TAF3: variants seen among roughly 807,000 people sequenced by gnomAD.
The protein encoded by TAF3 is TATA-box binding protein associated factor 3.
Under a neutral mutation model 80.6 loss-of-function variants are expected in TAF3, and 7 were observed. That is an observed-to-expected ratio of 0.09 (90% CI 0.05 to 0.16). TAF3 has a LOEUF of 0.16. TAF3 is among the 10% of genes least tolerant of loss of function. The probability of loss-of-function intolerance (pLI) is 1.00; values close to 1 mark genes in which losing one functional copy is unlikely to be tolerated. For missense variants in TAF3, 921 were observed against 1,140.2 expected (o/e 0.81, Z 2.77); for synonymous variants, 444 against 446.1 (o/e 1.00, Z 0.06).
chr10:7,935,812 A>G (rs767097233), intron 2 of TAF3, among the ~76,000 whole-genome samples: 1 of 152,190 alleles, frequency 6.6e-6, no homozygotes, highest in Non-Finnish European at 1.5e-5. Flanking sequence ...TTGATTCAGG[A>G]GAAAAGTGCA....
chr10:7,944,118 T>G (rs914657190), intron 2 of TAF3, among the ~76,000 whole-genome samples: 1 of 151,560 alleles, frequency 6.6e-6, no homozygotes, highest in African/African-American at 2.4e-5. Flanking sequence ...TGTGTGTGTG[T>G]GTGTGTGTGT....
At chr10:7,916,205 G>T (rs1430116650) in intron 2 of TAF3, among the ~76,000 whole-genome samples, 1 of 152,152 alleles carries the variant, frequency 6.6e-6, no homozygotes, top group Non-Finnish European at 1.5e-5. Context: ...AGTTTCCTTT[G>T]TTAATGGATT....
At chr10:8,001,352 T>A (rs1831941830) in intron 4 of TAF3, among the ~76,000 whole-genome samples, 1 of 152,232 alleles carries the variant, frequency 6.6e-6, no homozygotes, top group African/African-American at 2.4e-5. Context: ...CTTTGATTAC[T>A]ATGAAAATGG....
intron 2 of TAF3, among the ~76,000 whole-genome samples, chr10:7,866,999 C>G (rs1184516490): frequency 6.6e-6 from 1 of 152,164 alleles, no homozygotes; most frequent in Non-Finnish European, 1.5e-5. Context: ...TGGCTCACAC[C>G]TGGAATTCTA....
intron 2 of TAF3, among the ~76,000 whole-genome samples, chr10:7,851,397 G>A (rs956575820): frequency 6.6e-6 from 1 of 152,198 alleles, no homozygotes; most frequent in African/African-American, 2.4e-5. Context: ...CAGAGTGTTA[G>A]GAGAGGAGGG....
At chr10:7,893,047 T>C (rs1340971051) in intron 2 of TAF3, among the ~76,000 whole-genome samples, 5 of 152,150 alleles carry the variant, frequency 3.3e-5, no homozygotes, top group Non-Finnish European at 7.4e-5. Flanking sequence ...CTCCACCTCC[T>C]GACCTCCGTT....
chr10:7,863,129 T>G (rs1392298039), intron 2 of TAF3, among the ~76,000 whole-genome samples: 1 of 152,182 alleles, frequency 6.6e-6, no homozygotes, highest in African/African-American at 2.4e-5. Context: ...TGGACTAACT[T>G]CTTGGAAGTA....
chr10:7,833,365 G>C (rs905118676), intron 2 of TAF3, among the ~76,000 whole-genome samples: 4 of 152,138 alleles, frequency 2.6e-5, no homozygotes, highest in South Asian at 2.1e-4. Flanking sequence ...GCTAACACTT[G>C]TTACCTTTCA....
chr10:7,957,794 G>GCTCTCTCTCTCTCTCTCTCTCT (rs376837630), intron 2 of TAF3, among the ~76,000 whole-genome samples: 6 of 130,668 alleles, frequency 4.6e-5, no homozygotes, highest in African/African-American at 1.7e-4. Flanking sequence ...TCTCTAGCGC[G>GCTCTCTCTCTCTCTCTCTCTCT]CTCTCTCTCT....
intron 1 of TAF3, among the ~76,000 whole-genome samples, chr10:7,819,189 C>G (rs888723100): frequency 1.3e-5 from 2 of 152,018 alleles, no homozygotes; most frequent in Non-Finnish European, 2.9e-5. Flanking sequence ...CTGTTTGCTG[C>G]GGGTAGATCC....
chr10:7,863,492 C>T (rs1469210874), intron 2 of TAF3, among the ~76,000 whole-genome samples: 1 of 150,330 alleles, frequency 6.7e-6, no homozygotes, highest in Non-Finnish European at 1.5e-5. Context: ...CACCTGTTAT[C>T]CCAGCTACTC....
In TAF3 at chr10:7,932,433, T is replaced by C. The variant is rs960592608; in HGVS notation, c.410-31487T>C. 5.3e-5 allele frequency among the ~76,000 whole-genome samples: 8 copies of C among 151,938 alleles called. 1 individual carries two copies. Among genetic ancestry groups the C allele is most frequent in the African/African-American group, 1.9e-4 (8 of 41,354 alleles). ...GATTCAGTGTTTTTTACAGCAAATATCCAAAGGTCAAGAGACAGACTGAGA... is the reference window on the plus strand; with the variant it reads ...GATTCAGTGTTTTTTACAGCAAATACCCAAAGGTCAAGAGACAGACTGAGA... On this transcript the variant is annotated intron_variant, in intron 2 of 6. Transcript: ENST00000344293.
intron 2 of TAF3, among the ~76,000 whole-genome samples, chr10:7,946,133 C>T (rs947943686): frequency 3.9e-5 from 6 of 152,168 alleles, no homozygotes; most frequent in South Asian, 2.1e-4. Context: ...TCATCTTTCT[C>T]GAAACTAGAT....
chr10:8,000,903 T>A (rs1189957911), intron 4 of TAF3, among the ~76,000 whole-genome samples: 1 of 152,246 alleles, frequency 6.6e-6, no homozygotes, highest in Non-Finnish European at 1.5e-5. Context: ...TTGCTTTTTT[T>A]ATTTTCTTAG....
Position 7,953,060 on chromosome 10 carries a change from C to T in TAF3, c.410-10860C>T, listed in dbSNP as rs925516234. ...GTTTTCCTATTATTTCCTGACTGCC[C>T]CAGCCTCTTCTCCTCAGAGTAGCTT... On this transcript the variant is annotated intron_variant, in intron 2 of 6. Transcript: ENST00000344293. Among the ~76,000 whole-genome samples, 7 of 152,212 alleles carry T rather than the reference C, an allele frequency of 4.6e-5. No homozygotes were observed. The East Asian group carries it at 5.8e-4, about 13-fold the overall frequency.
intron 2 of TAF3, among the ~76,000 whole-genome samples, chr10:7,856,511 GA>G (rs1837081176): frequency 6.6e-6 from 1 of 152,100 alleles, no homozygotes; most frequent in African/African-American, 2.4e-5. Context: ...TTTTAAAAGA[GA>G]AAAGATTTTT....
Position 7,821,177 on chromosome 10 carries a change from T to G in TAF3, c.166+2302T>G, listed in dbSNP as rs1474430723. ...TCCGTAGCCAGTTTCTTGGTTTCAG[T>G]GAGAATGAGATTGTCAGGTTCATTA... On this transcript the variant is annotated intron_variant, in intron 1 of 6. Transcript: ENST00000344293. Among the ~76,000 whole-genome samples the G allele has an allele frequency of 2.6e-5, 4 of 152,284 alleles. No homozygotes were observed. The East Asian group carries it at 5.8e-4, about 22-fold the overall frequency.
chr10:7,995,101 C>T (rs909983231), intron 4 of TAF3, among the ~76,000 whole-genome samples: 6 of 151,820 alleles, frequency 4.0e-5, no homozygotes, highest in African/African-American at 1.4e-4. Context: ...ATCACTACTA[C>T]CACCAAGATT....
chr10:7,976,409 G>A (rs1831673327), intron 3 of TAF3, among the ~76,000 whole-genome samples: 2 of 149,670 alleles, frequency 1.3e-5, no homozygotes, highest in Non-Finnish European at 1.5e-5. Context: ...ACCATGACTG[G>A]CTAATTTTTT....
Sources: gnomAD v4.1 joint callset for allele counts (sites outside exome capture counted in the v4.1 genomes callset) on GRCh38, gnomAD v4.1.1 for gene constraint, MANE v1.5 for transcripts, NCBI Gene and HGNC (gene_info 2026-07-23, HGNC 2026-07-21) for gene names.